The following CACNA1D variants were observed in gnomAD, a reference collection of about 807,000 sequenced individuals.
CACNA1D encodes the protein voltage-dependent L-type calcium channel subunit alpha-1D.
A neutral mutation model predicts 257.1 loss-of-function variants in CACNA1D; 55 were observed. The observed-to-expected ratio is 0.21, with a 90% CI of 0.17 to 0.27. The LOEUF (loss-of-function observed/expected upper bound fraction) is 0.27, where lower values mean the gene tolerates loss of function less well. Among genes scored for constraint, CACNA1D ranks in the 10% least tolerant of loss-of-function variants. The pLI is 1.00. For synonymous variants in CACNA1D, 980 were observed against 1,014.9 expected (o/e 0.97, Z 0.65); for missense variants, 1,876 against 2,784.0 (o/e 0.67, Z 7.34).
chr3:53,732,746 A>C, intron 18 of CACNA1D, 69 bp from the exon 19 acceptor site: 1 of 1,450,280 alleles, frequency 6.9e-7, no homozygotes, highest in East Asian at 2.3e-5. Context: ...TTGCATGTGA[A>C]ATTAAGAATA....
intron 8 of CACNA1D, among the ~76,000 whole-genome samples, chr3:53,680,429 G>A (rs76469089): frequency 2.8e-4 from 43 of 152,050 alleles, no homozygotes; most frequent in African/African-American, 7.0e-4. Context: ...CTGGATGCTC[G>A]TTTTGCAGAT....
intron 30 of CACNA1D, among the ~76,000 whole-genome samples, chr3:53,769,527 T>C (rs1161985662): frequency 6.6e-6 from 1 of 152,024 alleles, no homozygotes; most frequent in African/African-American, 2.4e-5. Flanking sequence ...TCCAAGGGGG[T>C]TTGTGGCCCG....
intron 3 of CACNA1D, among the ~76,000 whole-genome samples, chr3:53,517,312 A>C (rs1240672697): frequency 1.3e-5 from 2 of 152,080 alleles, no homozygotes; most frequent in African/African-American, 4.8e-5. Flanking sequence ...CAGAAGAGTC[A>C]TACCTGCCAG....
intron 3 of CACNA1D, among the ~76,000 whole-genome samples, chr3:53,629,173 G>T (rs896914304): frequency 2.0e-5 from 3 of 152,198 alleles, no homozygotes; most frequent in African/African-American, 7.2e-5. Flanking sequence ...CGAAAACCTG[G>T]CTGGTGGACC....
Position 53,652,658 on chromosome 3 carries a change from C to T in CACNA1D, c.623+1740C>T, listed in dbSNP as rs1180446170. Among the ~76,000 whole-genome samples the T allele has an allele frequency of 7.2e-5, 11 of 152,290 alleles. No individual in the cohort carries two copies. The South Asian group carries it at 8.3e-4, about 11-fold the overall frequency. On this transcript the variant is annotated intron_variant, in intron 4 of 47. Coordinates refer to ENST00000350061, the MANE Select transcript of CACNA1D (RefSeq NM_001128840.3). ...CACCCTGGACTGTCAGTAGAGACCC[C>T]ACAGGGCCACTGGTAGTAGTGCTAA...
At chr3:53,496,851 T>A (rs947310368) in intron 1 of CACNA1D, among the ~76,000 whole-genome samples, 12 of 152,146 alleles carry the variant, frequency 7.9e-5, no homozygotes, top group Admixed American at 5.9e-4. Flanking sequence ...CTCAGTTTTG[T>A]CAGAAGAAAT....
chr3:53,559,052 A>G (rs1417098973), intron 3 of CACNA1D, among the ~76,000 whole-genome samples: 1 of 151,640 alleles, frequency 6.6e-6, no homozygotes, highest in Admixed American at 6.6e-5. Flanking sequence ...GCCTCTGCTT[A>G]TTTTTATAAT....
intron 3 of CACNA1D, among the ~76,000 whole-genome samples, chr3:53,626,891 T>C (rs2093765640): frequency 6.6e-6 from 1 of 152,160 alleles, no homozygotes; most frequent in African/African-American, 2.4e-5. Flanking sequence ...AGTGTTTTCA[T>C]CTGATTTAAG....
At chr3:53,645,966 A>G (rs945048470) in intron 3 of CACNA1D, among the ~76,000 whole-genome samples, 1 of 152,366 alleles carries the variant, frequency 6.6e-6, no homozygotes, top group South Asian at 2.1e-4. Flanking sequence ...TATGGCTCCA[A>G]GCCCTGTGTT....
At chr3:53,516,908 T>C (rs1009848235) in intron 3 of CACNA1D, among the ~76,000 whole-genome samples, 7 of 152,204 alleles carry the variant, frequency 4.6e-5, no homozygotes, top group African/African-American at 1.7e-4. Flanking sequence ...TGTGGTCACT[T>C]TCTTCACTGT....
intron 15 of CACNA1D, among the ~76,000 whole-genome samples, chr3:53,729,981 A>G (rs1039985593): frequency 2.0e-5 from 3 of 152,210 alleles, no homozygotes; most frequent in Non-Finnish European, 4.4e-5. Context: ...ATAACTTGCA[A>G]CCTTTGAAGT....
Position 53,774,514 on chromosome 3 carries a change from T to C in CACNA1D, c.4111-73T>C. 1 of 906,300 alleles carries C rather than the reference T, an allele frequency of 1.1e-6. No homozygotes were observed. Among genetic ancestry groups the C allele is most frequent in the Non-Finnish European group, 1.9e-6 (1 of 536,160 alleles). 56.1% of individuals were successfully genotyped at this position (906,300 alleles called of 1,614,324 possible). On this transcript the variant is annotated intron_variant, in intron 33 of 47. Coordinates refer to ENST00000350061, the MANE Select transcript of CACNA1D (RefSeq NM_001128840.3). This position sits in a 1 kb window ranked among gnomAD's most constrained non-coding sequence, Gnocchi z 4.3. Reference sequence around the variant, plus strand: ...CTGGTAAAGATCAAACCTGAGTTAGTTCTAAATTCACATACGGATTTTTTT... The same window carrying C: ...CTGGTAAAGATCAAACCTGAGTTAGCTCTAAATTCACATACGGATTTTTTT...
In CACNA1D at chr3:53,800,407, T is replaced by C. The variant is rs1231688355; in HGVS notation, c.5040+42T>C. On this transcript the variant is annotated intron_variant, in intron 41 of 47. Coordinates refer to ENST00000350061, the MANE Select transcript of CACNA1D (RefSeq NM_001128840.3). This position sits in a 1 kb window ranked among gnomAD's most constrained non-coding sequence, Gnocchi z 4.3. ...TAGCTACACACTGGCCATCTGGAAA[T>C]AGCAGGGCAGGACTCCAGTTTGGGC... The C allele has an allele frequency of 7.6e-7, 1 of 1,322,314 alleles. No individual in the cohort carries two copies. Among genetic ancestry groups the C allele is most frequent in the South Asian group, 1.2e-5 (1 of 85,200 alleles). The allele number at this position is 1,322,314 out of a possible 1,614,324, so 81.9% of individuals were successfully genotyped here.
At chr3:53,562,310 T>C (rs2107642123) in intron 3 of CACNA1D, among the ~76,000 whole-genome samples, 1 of 152,324 alleles carries the variant, frequency 6.6e-6, no homozygotes, top group Non-Finnish European at 1.5e-5. Context: ...AGTAAAATAG[T>C]AGTAATGATA....
chr3:53,702,516 G>A, intron 8 of CACNA1D, 125 bp from the exon 9 acceptor site: 2 of 868,764 alleles, frequency 2.3e-6, no homozygotes, highest in South Asian at 3.1e-5. Context: ...CCATTGCTGT[G>A]CTCATGTGAC....
intron 3 of CACNA1D, among the ~76,000 whole-genome samples, chr3:53,630,356 T>A (rs573537696): frequency 1.6e-4 from 24 of 152,380 alleles, no homozygotes; most frequent in African/African-American, 5.5e-4. Context: ...CTTGTTGTTA[T>A]ACATCCATAT....
At chr3:53,563,947 G>A (rs1277879028) in intron 3 of CACNA1D, among the ~76,000 whole-genome samples, 2 of 152,146 alleles carry the variant, frequency 1.3e-5, no homozygotes, top group African/African-American at 4.8e-5. Flanking sequence ...ATTGGATGAT[G>A]CCTAGTTGTT....
At chr3:53,742,737 A>G (rs981253115) in intron 21 of CACNA1D, among the ~76,000 whole-genome samples, 1 of 152,216 alleles carries the variant, frequency 6.6e-6, no homozygotes, top group African/African-American at 2.4e-5. Context: ...GGCTCTTTGG[A>G]CATGCCAACA....
chr3:53,779,128 A>C (rs1165569057), intron 37 of CACNA1D, among the ~76,000 whole-genome samples: 1 of 152,206 alleles, frequency 6.6e-6, no homozygotes, highest in Non-Finnish European at 1.5e-5. Flanking sequence ...GCGAGACCTC[A>C]TCTCTAAAAA....
Sources: allele counts gnomAD v4.1 joint callset (sites outside exome capture counted in the v4.1 genomes callset), GRCh38; gene constraint gnomAD v4.1.1; non-coding constraint Gnocchi (gnomAD v3.1); transcripts MANE v1.5; gene names NCBI Gene and HGNC (gene_info 2026-07-23, HGNC 2026-07-21).